Variants in SLC9A9 observed in about 807,000 individuals in gnomAD.
The protein encoded by SLC9A9 is solute carrier family 9 member A9.
In SLC9A9, 62 loss-of-function variants were observed where a neutral mutation model predicts 77.8. The observed-to-expected ratio is 0.80, with a 90% CI of 0.65 to 0.98. The LOEUF is 0.98. Among genes scored for constraint, SLC9A9 ranks in the 50% least tolerant of loss-of-function variants. SLC9A9 has a pLI of 0.00. For missense variants in SLC9A9, 775 were observed against 774.9 expected (o/e 1.00, Z 0.00); for synonymous variants, 320 against 283.5 (o/e 1.13, Z -1.29).
At chr3:143,834,960 C>G (rs2009532243) in intron 1 of SLC9A9, among the ~76,000 whole-genome samples, 1 of 152,154 alleles carries the variant, frequency 6.6e-6, no homozygotes, top group Non-Finnish European at 1.5e-5. Context: ...CACTTTCACA[C>G]TGAGGTCAGG....
chr3:143,478,727 C>T (rs1024286511), intron 11 of SLC9A9, among the ~76,000 whole-genome samples: 1 of 152,172 alleles, frequency 6.6e-6, no homozygotes, highest in East Asian at 1.9e-4. Flanking sequence ...AACCTGAGGG[C>T]AGAATTAGAG....
chr3:143,633,319 C>T lies in SLC9A9; in HGVS notation c.755+18936G>A, dbSNP rs1241704786. On this transcript the variant is annotated intron_variant, in intron 6 of 15. Coordinates refer to ENST00000316549, the MANE Select transcript of SLC9A9 (RefSeq NM_173653.4). ...GTATTTTCTGCCTTAAAGATTAAGG[C>T]TATGTAAAAGTATATAGAGTAAAAA... Among the ~76,000 whole-genome samples the T allele has an allele frequency of 1.9e-4, 29 of 152,098 alleles. 1 individual carries two copies. The highest frequency in any genetic ancestry group is 1.9e-3 in the Admixed American group (29 of 15,280).
At chr3:143,542,635 T>G (rs1218634734) in intron 9 of SLC9A9, among the ~76,000 whole-genome samples, 1 of 152,234 alleles carries the variant, frequency 6.6e-6, no homozygotes, top group African/African-American at 2.4e-5. Context: ...ATATCAAGAT[T>G]ACCCTAGACA....
At chr3:143,442,405 G>T (rs572484180) in intron 12 of SLC9A9, among the ~76,000 whole-genome samples, 1 of 152,314 alleles carries the variant, frequency 6.6e-6, no homozygotes, top group South Asian at 2.1e-4. Flanking sequence ...CAAATTGCTT[G>T]CTACCTATGT....
chr3:143,722,089 G>T (rs1934513723), intron 4 of SLC9A9, among the ~76,000 whole-genome samples: 2 of 152,198 alleles, frequency 1.3e-5, no homozygotes, highest in East Asian at 3.9e-4. Context: ...ATGGATGGGG[G>T]AGAAGTGTAT....
chr3:143,308,023 A>G (rs1443284926), intron 14 of SLC9A9, among the ~76,000 whole-genome samples: 1 of 152,140 alleles, frequency 6.6e-6, no homozygotes. Flanking sequence ...AGGCCATCAG[A>G]AGAAGGGAAA....
chr3:143,542,559 A>G (rs1029425886), intron 9 of SLC9A9, among the ~76,000 whole-genome samples: 1 of 152,330 alleles, frequency 6.6e-6, no homozygotes, highest in South Asian at 2.1e-4. Flanking sequence ...AATGCAAATC[A>G]ATAAGGCATG....
chr3:143,738,609 T>G (rs956949590), intron 4 of SLC9A9, among the ~76,000 whole-genome samples: 38 of 152,298 alleles, frequency 2.5e-4, no homozygotes, highest in African/African-American at 8.4e-4. Flanking sequence ...ACTATCTACC[T>G]GGAGTTAGTG....
chr3:143,540,048 G>A (rs1009443190), intron 9 of SLC9A9, among the ~76,000 whole-genome samples: 1 of 151,936 alleles, frequency 6.6e-6, no homozygotes, highest in Non-Finnish European at 1.5e-5. Context: ...GGCTTGGTGG[G>A]GATGAGAAAG....
chr3:143,742,832 C>T (rs751305461), intron 4 of SLC9A9, among the ~76,000 whole-genome samples: 16 of 151,974 alleles, frequency 1.1e-4, no homozygotes, highest in African/African-American at 2.4e-4. Context: ...TGGGAGGGTG[C>T]GATGGGGGGT....
At position 143,833,782 on chromosome 3, in the gene SLC9A9, T is replaced by A. The variant is rs573922455; in HGVS notation, c.176-1561A>T. 2.9e-4 allele frequency among the ~76,000 whole-genome samples: 44 copies of A among 152,296 alleles called. 1 individual carries two copies. The South Asian group carries it at 8.9e-3, about 31-fold the overall frequency. On this transcript the variant is annotated intron_variant, in intron 1 of 15. Coordinates refer to ENST00000316549, the MANE Select transcript of SLC9A9 (RefSeq NM_173653.4). ...GAATGTTGGGATACTGTGTAAGAAA[T>A]CACTAGTGATAACCTTACTAACACA... is the stretch of plus-strand genomic sequence containing the variant.
chr3:143,429,370 A>G (rs1234558504), intron 12 of SLC9A9, among the ~76,000 whole-genome samples: 1 of 152,178 alleles, frequency 6.6e-6, no homozygotes, highest in African/African-American at 2.4e-5. Flanking sequence ...GTATGGAGTA[A>G]GAGTCCAACT....
In SLC9A9 at chr3:143,613,770, A is replaced by G. The variant is rs139753148; in HGVS notation, c.756-35047T>C. Among the ~76,000 whole-genome samples the G allele has an allele frequency of 4.0e-5, 6 of 150,766 alleles. No individual in the cohort carries two copies. In the East Asian group the frequency reaches 1.2e-3, roughly 29 times the overall value. On this transcript the variant is annotated intron_variant, in intron 6 of 15. Coordinates refer to ENST00000316549, the MANE Select transcript of SLC9A9 (RefSeq NM_173653.4). Reference sequence around the variant, plus strand: ...CTATTCATTTGACCTCTCCATTCCTATCCTCATACCACATTGCAATAATTA... The same window carrying G: ...CTATTCATTTGACCTCTCCATTCCTGTCCTCATACCACATTGCAATAATTA...
intron 7 of SLC9A9, among the ~76,000 whole-genome samples, chr3:143,576,636 G>A (rs2037363963): frequency 6.6e-6 from 1 of 152,186 alleles, no homozygotes; most frequent in South Asian, 2.1e-4. Flanking sequence ...AGTGAAGAGA[G>A]CATGTTCGGC....
chr3:143,693,173 A>G lies in SLC9A9; in HGVS notation c.649+19T>C, dbSNP rs191763671. 8.4e-5 allele frequency: 132 copies of G among 1,562,530 alleles called. No individual in the cohort carries two copies. In the African/African-American group the frequency reaches 1.6e-3, roughly 19 times the overall value. On this transcript the variant is annotated intron_variant, in intron 5 of 15. Coordinates refer to ENST00000316549, the MANE Select transcript of SLC9A9 (RefSeq NM_173653.4). ...TGTTTGATTCTTAAAAGAAGAAAAT[A>G]TATTATTTGAGCAATTACCTGGATC... is the stretch of plus-strand genomic sequence containing the variant.
In SLC9A9 at chr3:143,477,094, T is replaced by C. The variant is rs548124288; in HGVS notation, c.1316-9904A>G. On this transcript the variant is annotated intron_variant, in intron 11 of 15. Coordinates refer to ENST00000316549, the MANE Select transcript of SLC9A9 (RefSeq NM_173653.4). Reference sequence around the variant, plus strand: ...AAATCTATTCTTATATATTCCATGATGTACTGTTATAACTTCATAAACTAT... The same window carrying C: ...AAATCTATTCTTATATATTCCATGACGTACTGTTATAACTTCATAAACTAT... 9.2e-5 allele frequency among the ~76,000 whole-genome samples: 14 copies of C among 152,314 alleles called. No individual in the cohort carries two copies. In the East Asian group the frequency reaches 2.5e-3, roughly 27 times the overall value.
intron 6 of SLC9A9, among the ~76,000 whole-genome samples, chr3:143,624,940 A>T (rs2038291228): frequency 6.6e-6 from 1 of 152,240 alleles, no homozygotes; most frequent in Non-Finnish European, 1.5e-5. Flanking sequence ...ATCAATGTGC[A>T]AAAATTACAA....
chr3:143,416,675 GT>G (rs527345854), intron 12 of SLC9A9, among the ~76,000 whole-genome samples: 180 of 152,238 alleles, frequency 1.2e-3, no homozygotes, highest in African/African-American at 3.6e-3. Context: ...AAATAAAAAT[GT>G]TGTGTGACTG....
At chr3:143,464,110 T>C (rs1412600626) in intron 12 of SLC9A9, among the ~76,000 whole-genome samples, 2 of 152,134 alleles carry the variant, frequency 1.3e-5, no homozygotes, top group Non-Finnish European at 2.9e-5. Flanking sequence ...CACATTCCAA[T>C]TGAGGGTGTT....
Sources: gnomAD v4.1 joint callset for allele counts (sites outside exome capture counted in the v4.1 genomes callset) on GRCh38, gnomAD v4.1.1 for gene constraint, MANE v1.5 for transcripts, NCBI Gene and HGNC (gene_info 2026-07-23, HGNC 2026-07-21) for gene names.